ANO6: variants seen among roughly 807,000 people sequenced by gnomAD.
The protein encoded by ANO6 is anoctamin-6.
A neutral mutation model predicts 117.5 loss-of-function variants in ANO6; 106 were observed. That is an observed-to-expected ratio of 0.90 (90% CI 0.77 to 1.06). The LOEUF is 1.06. Ranked by LOEUF, ANO6 falls within the 50% of genes least tolerant of loss-of-function variation. The probability of loss-of-function intolerance (pLI) is 0.00; values close to 1 mark genes in which losing one functional copy is unlikely to be tolerated. For missense variants in ANO6, 955 were observed against 1,121.1 expected (o/e 0.85, Z 2.12); for synonymous variants, 367 against 385.1 (o/e 0.95, Z 0.55).
intron 1 of ANO6, among the ~76,000 whole-genome samples, chr12:45,217,154 A>G (rs189267068): frequency 4.9e-4 from 75 of 152,256 alleles, no homozygotes; most frequent in African/African-American, 1.7e-3. Flanking sequence ...AGGGCAAACA[A>G]AAGGGATGAG....
intron 2 of ANO6, among the ~76,000 whole-genome samples, chr12:45,302,375 C>T (rs1939523312): frequency 6.6e-6 from 1 of 152,146 alleles, no homozygotes; most frequent in Non-Finnish European, 1.5e-5. Flanking sequence ...TTCTGAAACT[C>T]CTGTTCCATT....
intron 1 of ANO6, among the ~76,000 whole-genome samples, chr12:45,232,653 G>A (rs182164917): frequency 9.8e-5 from 15 of 152,302 alleles, no homozygotes; most frequent in South Asian, 2.1e-4. Context: ...AAGTCCAGTC[G>A]TACTCAGGGA....
At position 45,333,987 on chromosome 12, in the gene ANO6, A is replaced by G. The variant is rs73101652; in HGVS notation, c.279+2564A>G. On this transcript the variant is annotated intron_variant, in intron 3 of 19. Transcript: ENST00000320560. Reference sequence around the variant, plus strand: ...CTTTATAGGGCTGGAGAAAGATAGAAGTGACAGGGCTACAAACACCAAAAA... The same window carrying G: ...CTTTATAGGGCTGGAGAAAGATAGAGGTGACAGGGCTACAAACACCAAAAA... Among the ~76,000 whole-genome samples the G allele has an allele frequency of 9.3e-3, 1,419 of 152,182 alleles. 16 individuals are homozygous for G. Among genetic ancestry groups the G allele is most frequent in the Non-Finnish European group, 0.011 (758 of 67,978 alleles).
At chr12:45,285,697 C>T (rs1938889132) in intron 1 of ANO6, among the ~76,000 whole-genome samples, 1 of 151,176 alleles carries the variant, frequency 6.6e-6, no homozygotes, top group East Asian at 1.9e-4. Flanking sequence ...CCACTGCACT[C>T]CAGCCTAGCA....
chr12:45,381,936 T>C (rs1942179010), intron 10 of ANO6, among the ~76,000 whole-genome samples: 2 of 151,738 alleles, frequency 1.3e-5, no homozygotes, highest in Non-Finnish European at 2.9e-5. Flanking sequence ...AGATACTAGA[T>C]AGGTACTGAG....
intron 1 of ANO6, among the ~76,000 whole-genome samples, chr12:45,301,542 A>G (rs1939488226): frequency 6.6e-6 from 1 of 151,818 alleles, no homozygotes; most frequent in Non-Finnish European, 1.5e-5. Context: ...ACTTGAGCCC[A>G]GGAGGTCGAG....
At chr12:45,319,203 A>G (rs903474163) in intron 2 of ANO6, among the ~76,000 whole-genome samples, 7 of 152,182 alleles carry the variant, frequency 4.6e-5, no homozygotes, top group Non-Finnish European at 1.5e-5. Context: ...CAGGTTTCAA[A>G]GGGAATGCTT....
Position 45,378,113 on chromosome 12 carries a change from G to C in ANO6, c.1165G>C (p.Val389Leu). 6.2e-7 allele frequency: 1 copy of C among 1,604,370 alleles called. No homozygotes were observed. The highest frequency in any genetic ancestry group is 2.3e-5 in the East Asian group (1 of 44,096). The change falls in exon 10 of 20, where the codon GTT becomes CTT. Residue 389 changes from valine (V) to leucine (L), a missense_variant and splice_region_variant. Coordinates refer to ENST00000320560, the MANE Select transcript of ANO6 (RefSeq NM_001025356.3). ...CTTTGCAGTATTTATGGGAGTATGG[G>C]GTAAGTTTTTTTTTTTTTTTTCATG... The part of the protein sequence containing the change: ...LVFAVFMGVW[V>L]TLFLEFWKRR...
At chr12:45,295,547 T>C (rs1333027788) in intron 1 of ANO6, among the ~76,000 whole-genome samples, 1 of 152,100 alleles carries the variant, frequency 6.6e-6, no homozygotes, top group African/African-American at 2.4e-5. Flanking sequence ...CTCTCTTTTT[T>C]ATTTGTTTAT....
chr12:45,283,896 C>T (rs1938823676), intron 1 of ANO6, among the ~76,000 whole-genome samples: 1 of 152,222 alleles, frequency 6.6e-6, no homozygotes, highest in South Asian at 2.1e-4. Flanking sequence ...TCTCTCACTT[C>T]CTCTTATGCA....
At chr12:45,394,651 A>G (rs1413302994) in intron 12 of ANO6, among the ~76,000 whole-genome samples, 1 of 152,254 alleles carries the variant, frequency 6.6e-6, no homozygotes, top group African/African-American at 2.4e-5. Flanking sequence ...TGTCTCTCAG[A>G]CCACAGTGCA....
At chr12:45,298,378 T>G (rs952676368) in intron 1 of ANO6, among the ~76,000 whole-genome samples, 1 of 152,236 alleles carries the variant, frequency 6.6e-6, no homozygotes, top group Non-Finnish European at 1.5e-5. Flanking sequence ...TTGTCTTGAT[T>G]CTGCTCATTT....
intron 15 of ANO6, among the ~76,000 whole-genome samples, chr12:45,403,981 A>G (rs1231292038): frequency 6.6e-6 from 1 of 151,652 alleles, no homozygotes; most frequent in African/African-American, 2.4e-5. Context: ...TATATACATC[A>G]TTTAATCTAC....
rs573355334 is a variant in ANO6, at chr12:45,320,928, C to CT, written c.151-10366dup. On this transcript the variant is annotated intron_variant, in intron 2 of 19. Coordinates refer to ENST00000320560, the MANE Select transcript of ANO6 (RefSeq NM_001025356.3). The stretch of plus-strand genomic sequence containing the variant: ...GGTTTAAAGTCTGTTTTATCAGAGA[C>CT]TAGGATTGCAACCCCTGCCTTTTTT... Among the ~76,000 whole-genome samples the CT allele has an allele frequency of 7.8e-4, 119 of 152,246 alleles. No individual in the cohort carries two copies. In the Middle Eastern group the frequency reaches 0.01, roughly 13 times the overall value.
intron 2 of ANO6, among the ~76,000 whole-genome samples, chr12:45,325,332 G>C (rs1281600766): frequency 1.3e-5 from 2 of 152,142 alleles, no homozygotes; most frequent in African/African-American, 4.8e-5. Flanking sequence ...GTACAAACTG[G>C]AAATGCTCAC....
chr12:45,267,835 C>T (rs1232323011), intron 1 of ANO6, among the ~76,000 whole-genome samples: 2 of 152,060 alleles, frequency 1.3e-5, no homozygotes, highest in African/African-American at 2.4e-5. Context: ...TATGAAGAGG[C>T]TAGCATAAAG....
intron 1 of ANO6, among the ~76,000 whole-genome samples, chr12:45,290,529 TGAGA>T: frequency 6.6e-6 from 1 of 152,302 alleles, no homozygotes; most frequent in South Asian, 2.1e-4. Flanking sequence ...AATGTTGAAC[TGAGA>T]GCCTGAGGGT....
At chr12:45,276,239 T>A (rs1223717012) in intron 1 of ANO6, among the ~76,000 whole-genome samples, 1 of 152,214 alleles carries the variant, frequency 6.6e-6, no homozygotes, top group Non-Finnish European at 1.5e-5. Flanking sequence ...TCCACTACTA[T>A]CATCTTAGGC....
chr12:45,410,817 T>C (rs1206660813), intron 16 of ANO6, among the ~76,000 whole-genome samples: 1 of 152,212 alleles, frequency 6.6e-6, no homozygotes, highest in East Asian at 1.9e-4. Context: ...CTTTTAAAAA[T>C]ATACATTATA....
Sources: allele counts gnomAD v4.1 joint callset (sites outside exome capture counted in the v4.1 genomes callset), GRCh38; gene constraint gnomAD v4.1.1; transcripts MANE v1.5; gene names NCBI Gene and HGNC (gene_info 2026-07-23, HGNC 2026-07-21).